PTGR1: variants seen among roughly 807,000 people sequenced by gnomAD.
PTGR1 encodes the protein 15-oxoprostaglandin 13-reductase.
Under a neutral mutation model 37.7 loss-of-function variants are expected in PTGR1, and 23 were observed. The observed-to-expected ratio is 0.61, with a 90% CI of 0.44 to 0.86. The LOEUF (loss-of-function observed/expected upper bound fraction) is 0.86, where lower values mean the gene tolerates loss of function less well. PTGR1 is among the 40% of genes least tolerant of loss of function. The pLI, the probability that PTGR1 is intolerant of heterozygous loss-of-function variation, is 0.00. For synonymous variants in PTGR1, 134 were observed against 140.0 expected (o/e 0.96, Z 0.30); for missense variants, 351 against 394.3 (o/e 0.89, Z 0.93).
chr9:111,558,079 G>A (rs543730344), downstream of PTGR1, among the ~76,000 whole-genome samples: 113 of 152,152 alleles, frequency 7.4e-4, no homozygotes, highest in African/African-American at 2.4e-3. Flanking sequence ...CCCGGGAGGC[G>A]GAGTTTGCAC....
intron 4 of PTGR1, chr9:111,592,377 A>C (rs550433901): frequency 7.8e-5 from 12 of 153,086 alleles, no homozygotes; most frequent in African/African-American, 2.9e-4. Context: ...TTCTGCATAC[A>C]GATGTATGTT....
chr9:111,596,362 C>T (rs939003282), intron 2 of PTGR1, among the ~76,000 whole-genome samples: 3 of 152,102 alleles, frequency 2.0e-5, no homozygotes, highest in Non-Finnish European at 4.4e-5. Context: ...CACCTTTAAT[C>T]CCAGCACTTT....
chr9:111,564,984 C>T (rs1355876299), intron 9 of PTGR1, among the ~76,000 whole-genome samples: 3 of 151,948 alleles, frequency 2.0e-5, no homozygotes, highest in South Asian at 2.1e-4. Context: ...ATTAGCCAGG[C>T]GTGGTGGCGT....
At position 111,597,386 on chromosome 9, in the gene PTGR1, A is replaced by C. The variant is rs1260688880; in HGVS notation, c.37T>G (p.Phe13Val). Reference sequence around the variant, plus strand: ...TCACTATTAGTAGGATAGCCAACAAAGTGCTTCTTCAGGGTCCATGTCTTA... The same window carrying C: ...TCACTATTAGTAGGATAGCCAACAACGTGCTTCTTCAGGGTCCATGTCTTA... ...RTKTWTLKKH[F>V]VGYPTNSDFE... Residue 13 changes from phenylalanine (F) to valine (V), a missense_variant, in exon 2 of 10, where the codon TTT (phenylalanine) becomes GTT (valine). Physicochemically the swap from Phe to Val is conservative, Grantham distance 50. Transcript: ENST00000407693. 2.5e-6 allele frequency: 4 copies of C among 1,613,436 alleles called. No individual in the cohort carries two copies. Among genetic ancestry groups the C allele is most frequent in the Non-Finnish European group, 3.4e-6 (4 of 1,179,782 alleles).
At chr9:111,572,397 A>G (rs1310996263) in intron 8 of PTGR1, among the ~76,000 whole-genome samples, 1 of 152,118 alleles carries the variant, frequency 6.6e-6, no homozygotes, top group Admixed American at 6.6e-5. Flanking sequence ...AATCAAGACC[A>G]TCCTAACACA....
intron 5 of PTGR1, 61 bp from the exon 6 acceptor site, chr9:111,583,650 A>T (rs114397344): frequency 7.3e-7 from 1 of 1,362,640 alleles, no homozygotes; most frequent in Non-Finnish European, 1.0e-6. Flanking sequence ...TAACTCATTT[A>T]TATATATCTT....
At chr9:111,597,461 G>A in intron 1 of PTGR1, 29 bp from the exon 2 acceptor site, 2 of 1,393,236 alleles carry the variant, frequency 1.4e-6, no homozygotes, top group Non-Finnish European at 2.0e-6. Flanking sequence ...GTAGTCAACT[G>A]CCATGAAGTG....
intron 9 of PTGR1, among the ~76,000 whole-genome samples, chr9:111,551,929 TTTA>T (rs1464901708): frequency 2.0e-5 from 3 of 152,232 alleles, no homozygotes; most frequent in Admixed American, 1.3e-4. Flanking sequence ...TTTGCAGCCA[TTTA>T]TTACATTTAA....
chr9:111,578,361 A>G (rs976927522), intron 7 of PTGR1, among the ~76,000 whole-genome samples: 1 of 149,676 alleles, frequency 6.7e-6, no homozygotes, highest in African/African-American at 2.4e-5. Context: ...AAATAATTAT[A>G]CAACTCACCA....
intron 9 of PTGR1, among the ~76,000 whole-genome samples, chr9:111,553,049 T>A (rs1345820966): frequency 6.6e-6 from 1 of 152,210 alleles, no homozygotes; most frequent in Admixed American, 6.5e-5. Context: ...TTGTTTAAAT[T>A]GTTTTGTTAG....
At chr9:111,576,660 T>C (rs1829069438) in intron 7 of PTGR1, 2 of 463,488 alleles carry the variant, frequency 4.3e-6, no homozygotes, top group South Asian at 6.9e-5. Context: ...TTATAGTCTA[T>C]GTGAGATATG....
chr9:111,576,586 T>C, intron 7 of PTGR1: 1 of 659,060 alleles, frequency 1.5e-6, no homozygotes, highest in East Asian at 2.8e-5. Flanking sequence ...TTAACACTTC[T>C]GAACCTCCTT....
chr9:111,582,034 C>T (rs1241491740), intron 6 of PTGR1, among the ~76,000 whole-genome samples: 1 of 151,652 alleles, frequency 6.6e-6, no homozygotes, highest in Admixed American at 6.6e-5. Context: ...AAAAGGTAAA[C>T]ACTAGCAGAA....
At chr9:111,592,702 G>A in intron 4 of PTGR1, 1 of 514,520 alleles carries the variant, frequency 1.9e-6, no homozygotes, top group South Asian at 6.0e-5. Context: ...GTAATTAAAA[G>A]TAAGGATGGC....
intron 4 of PTGR1, among the ~76,000 whole-genome samples, chr9:111,589,586 T>C (rs946916828): frequency 1.3e-5 from 2 of 151,670 alleles, no homozygotes; most frequent in Non-Finnish European, 2.9e-5. Flanking sequence ...AAAAGCTAAA[T>C]GACTCAAAAT....
chr9:111,553,495 A>G (rs578220106), intron 9 of PTGR1, among the ~76,000 whole-genome samples: 1 of 152,342 alleles, frequency 6.6e-6, no homozygotes, highest in South Asian at 2.1e-4. Flanking sequence ...ATCTTGTGCT[A>G]TCTGCATAAA....
intron 4 of PTGR1, among the ~76,000 whole-genome samples, chr9:111,587,400 G>A (rs1465806564): frequency 6.6e-6 from 1 of 152,152 alleles, no homozygotes; most frequent in African/African-American, 2.4e-5. Context: ...ACATTTGGGT[G>A]TATTTTCTGT....
downstream of PTGR1, among the ~76,000 whole-genome samples, chr9:111,561,114 G>T (rs866534297): frequency 0.025 from 1,020 of 40,464 alleles, 56 homozygotes; most frequent in African/African-American, 0.031. Flanking sequence ...TATATATAGA[G>T]AGAGAGAGAG....
At chr9:111,558,341 A>G (rs1828183159), downstream of PTGR1, among the ~76,000 whole-genome samples, 1 of 152,148 alleles carries the variant, frequency 6.6e-6, no homozygotes. Context: ...TGTTCTTTCA[A>G]CATGACTTCA....
Sources: gnomAD v4.1 joint callset for allele counts (sites outside exome capture counted in the v4.1 genomes callset) on GRCh38, gnomAD v4.1.1 for gene constraint, MANE v1.5 for transcripts, NCBI Gene and HGNC (gene_info 2026-07-23, HGNC 2026-07-21) for gene names.